Variants in GRID2 observed in about 807,000 individuals in gnomAD.
The protein encoded by GRID2 is glutamate receptor ionotropic, delta-2.
In GRID2, 33 loss-of-function variants were observed where a neutral mutation model predicts 114.8. The ratio of observed to expected loss-of-function variants is 0.29; its 90% confidence interval spans 0.22 to 0.38. GRID2 has a LOEUF of 0.38. Among genes scored for constraint, GRID2 ranks in the 10% least tolerant of loss-of-function variants. The probability of loss-of-function intolerance (pLI) is 1.00; values close to 1 mark genes in which losing one functional copy is unlikely to be tolerated. For synonymous variants in GRID2, 505 were observed against 449.9 expected (o/e 1.12, Z -1.55); for missense variants, 1,184 against 1,257.7 (o/e 0.94, Z 0.89).
At chr4:92,717,266 C>G (rs567697796) in intron 2 of GRID2, among the ~76,000 whole-genome samples, 2 of 152,212 alleles carry the variant, frequency 1.3e-5, no homozygotes, top group Admixed American at 6.5e-5. Flanking sequence ...ATATGTAAAG[C>G]TAGAAGGAAA....
chr4:93,678,152 C>T lies in GRID2; in HGVS notation c.2360+51717C>T, dbSNP rs146674849. Reference sequence around the variant, plus strand: ...AATGTAGAAGCCTCAGGAGCCGACGCGATCAACTGGAAGAAAGGGTATCAG... The same window carrying T: ...AATGTAGAAGCCTCAGGAGCCGACGTGATCAACTGGAAGAAAGGGTATCAG... On this transcript the variant is annotated intron_variant, in intron 14 of 15. Coordinates refer to ENST00000282020, the MANE Select transcript of GRID2 (RefSeq NM_001510.4). Among the ~76,000 whole-genome samples the T allele has an allele frequency of 7.4e-3, 1,126 of 151,896 alleles. 9 individuals carry two copies. Among genetic ancestry groups the T allele is most frequent in the South Asian group, 0.011 (54 of 4,800 alleles).
chr4:93,646,296 A>C (rs563445604), intron 14 of GRID2, among the ~76,000 whole-genome samples: 3 of 152,284 alleles, frequency 2.0e-5, no homozygotes, highest in Admixed American at 2.0e-4. Context: ...AAAGGAGGGA[A>C]CATTTTATTA....
At chr4:93,432,449 G>A (rs957323926) in intron 10 of GRID2, among the ~76,000 whole-genome samples, 5 of 152,154 alleles carry the variant, frequency 3.3e-5, no homozygotes, top group African/African-American at 1.2e-4. Context: ...TGAAAAACAG[G>A]TGAAGTATGA....
chr4:93,467,841 C>A lies in GRID2; in HGVS notation c.1858+11867C>A, dbSNP rs544391730. Reference sequence around the variant, plus strand: ...ATTGACATTTTCTCTTAATTAACTACACTAATTTTTACATTGGAAACAAAC... The same window carrying A: ...ATTGACATTTTCTCTTAATTAACTAAACTAATTTTTACATTGGAAACAAAC... On this transcript the variant is annotated intron_variant, in intron 11 of 15. Coordinates refer to ENST00000282020, the MANE Select transcript of GRID2 (RefSeq NM_001510.4). Among the ~76,000 whole-genome samples the A allele has an allele frequency of 1.2e-4, 18 of 152,278 alleles. No individual in the cohort carries two copies. The East Asian group carries it at 3.5e-3, about 29-fold the overall frequency.
intron 2 of GRID2, among the ~76,000 whole-genome samples, chr4:92,987,244 A>G (rs1350080937): frequency 5.3e-5 from 8 of 152,256 alleles, no homozygotes; most frequent in Non-Finnish European, 1.0e-4. Context: ...GTAATGGGAA[A>G]TGGAACTAAG....
intron 2 of GRID2, among the ~76,000 whole-genome samples, chr4:92,849,406 G>A (rs1743589580): frequency 6.6e-6 from 1 of 151,890 alleles, no homozygotes. Context: ...TATTTCTAAG[G>A]AAGGAAGTTT....
chr4:93,246,872 T>G (rs1424276148), intron 8 of GRID2, among the ~76,000 whole-genome samples: 1 of 152,192 alleles, frequency 6.6e-6, no homozygotes, highest in Non-Finnish European at 1.5e-5. Context: ...CCCTGCACTC[T>G]TGAAAAGTAT....
chr4:92,983,083 G>A (rs1754314988), intron 2 of GRID2, among the ~76,000 whole-genome samples: 2 of 152,182 alleles, frequency 1.3e-5, no homozygotes, highest in Admixed American at 1.3e-4. Flanking sequence ...AAAACTAATG[G>A]TGGTTTTAGG....
At chr4:92,728,696 G>C (rs758856410) in intron 2 of GRID2, among the ~76,000 whole-genome samples, 5 of 151,874 alleles carry the variant, frequency 3.3e-5, no homozygotes, top group African/African-American at 7.3e-5. Flanking sequence ...GCACTGCACA[G>C]ACTTGTGAAC....
intron 2 of GRID2, among the ~76,000 whole-genome samples, chr4:92,655,997 T>C (rs1732212984): frequency 6.6e-6 from 1 of 151,938 alleles, no homozygotes. Context: ...ATGTTAGCTG[T>C]GGGTTTCTCA....
intron 2 of GRID2, among the ~76,000 whole-genome samples, chr4:92,767,156 G>T (rs1578164289): frequency 6.6e-6 from 1 of 152,280 alleles, no homozygotes; most frequent in South Asian, 2.1e-4. Flanking sequence ...CAGTGGGCTT[G>T]AATGTAGACA....
intron 4 of GRID2, among the ~76,000 whole-genome samples, chr4:93,132,709 C>T (rs1434944539): frequency 6.6e-6 from 1 of 151,996 alleles, no homozygotes; most frequent in Non-Finnish European, 1.5e-5. Flanking sequence ...AATTTCATAC[C>T]GGGAAGGCAT....
intron 4 of GRID2, among the ~76,000 whole-genome samples, chr4:93,113,684 A>T (rs1034641360): frequency 4.6e-5 from 7 of 152,238 alleles, no homozygotes; most frequent in African/African-American, 1.7e-4. Flanking sequence ...GGCAGAACAC[A>T]TACATCTACG....
At chr4:93,030,335 G>A (rs920362992) in intron 2 of GRID2, among the ~76,000 whole-genome samples, 11 of 151,382 alleles carry the variant, frequency 7.3e-5, no homozygotes. Context: ...GCTTGAGGCA[G>A]TGAGGACCGT....
At chr4:93,120,931 C>T (rs1399051124) in intron 4 of GRID2, among the ~76,000 whole-genome samples, 4 of 151,758 alleles carry the variant, frequency 2.6e-5, no homozygotes, top group South Asian at 2.1e-4. Flanking sequence ...CCAGCCTGGG[C>T]GACAGTGCGA....
chr4:93,236,460 C>A lies in GRID2; in HGVS notation c.1126-1911C>A, dbSNP rs542021906. Among the ~76,000 whole-genome samples, 3 of 152,028 alleles carry A rather than the reference C, an allele frequency of 2.0e-5. No homozygotes were observed. In the South Asian group the frequency reaches 6.2e-4, roughly 32 times the overall value. ...ATTATGAAACATTTCCATTTTTACCCGAGAAAATGTAAAGCTTCAGGACAT... is the reference window on the plus strand; with the variant it reads ...ATTATGAAACATTTCCATTTTTACCAGAGAAAATGTAAAGCTTCAGGACAT... On this transcript the variant is annotated intron_variant, in intron 7 of 15. Transcript: ENST00000282020.
chr4:92,777,440 T>C (rs896815297), intron 2 of GRID2, among the ~76,000 whole-genome samples: 1 of 152,080 alleles, frequency 6.6e-6, no homozygotes, highest in African/African-American at 2.4e-5. Context: ...TATTTCTCCA[T>C]ATGTTGCTAA....
chr4:93,289,226 T>C (rs1454192136), intron 8 of GRID2, among the ~76,000 whole-genome samples: 1 of 152,176 alleles, frequency 6.6e-6, no homozygotes, highest in Admixed American at 6.5e-5. Context: ...AATGAGAACA[T>C]AATCAACCTT....
chr4:93,175,825 C>A (rs144754538), intron 4 of GRID2, among the ~76,000 whole-genome samples: 2 of 152,086 alleles, frequency 1.3e-5, no homozygotes, highest in South Asian at 4.1e-4. Context: ...TTTTGAGGAG[C>A]CTGGTTCTCT....
Sources: gnomAD v4.1 joint callset for allele counts (sites outside exome capture counted in the v4.1 genomes callset) on GRCh38, gnomAD v4.1.1 for gene constraint, MANE v1.5 for transcripts, NCBI Gene and HGNC (gene_info 2026-07-23, HGNC 2026-07-21) for gene names.